Variants in USP28 observed in about 807,000 individuals in gnomAD.
The protein encoded by USP28 is ubiquitin carboxyl-terminal hydrolase 28.
A neutral mutation model predicts 145.0 loss-of-function variants in USP28; 113 were observed. The observed-to-expected ratio is 0.78, with a 90% CI of 0.67 to 0.91. The LOEUF (loss-of-function observed/expected upper bound fraction) is 0.91. USP28 is among the 40% of genes least tolerant of loss of function. The probability of loss-of-function intolerance (pLI) is 0.00; values close to 1 mark genes in which losing one functional copy is unlikely to be tolerated. For synonymous variants in USP28, 447 were observed against 450.9 expected, an observed-to-expected ratio of 0.99 and a Z score of 0.11; for missense variants, 1,201 against 1,289.6, an observed-to-expected ratio of 0.93 and a Z score of 1.05.
chr11:113,827,309 C>G, exon 11 of USP28: 1 of 1,612,610 alleles, frequency 6.2e-7, no homozygotes, highest in Non-Finnish European at 8.5e-7. Context: ...TGATTAAACT[C>G]AAATCTTGAG....
At chr11:113,862,935 T>C (rs1463605577) in intron 1 of USP28, among the ~76,000 whole-genome samples, 1 of 152,164 alleles carries the variant, frequency 6.6e-6, no homozygotes, top group Non-Finnish European at 1.5e-5. Flanking sequence ...TAAGATCATA[T>C]TCAATGGTGA....
At chr11:113,867,061 C>T (rs1363306378) in intron 1 of USP28, among the ~76,000 whole-genome samples, 3 of 152,130 alleles carry the variant, frequency 2.0e-5, no homozygotes, top group Admixed American at 1.3e-4. Flanking sequence ...TTGCATGATC[C>T]ATTTACATGA....
chr11:113,806,149 G>A (rs556082093), intron 19 of USP28, among the ~76,000 whole-genome samples: 5 of 152,118 alleles, frequency 3.3e-5, no homozygotes, highest in South Asian at 4.2e-4. Context: ...ATGTTGACCC[G>A]GCTGGTTTTG....
Position 113,874,423 on chromosome 11 carries a change from G to GAAAA in USP28, c.57+1018_57+1021dup, listed in dbSNP as rs778295743. 1.9e-3 allele frequency: 804 copies of GAAAA among 413,940 alleles called. 7 individuals are homozygous for GAAAA. The highest frequency in any genetic ancestry group is 0.011 in the Admixed American group (103 of 9,218). 25.6% of individuals were successfully genotyped at this position (413,940 alleles called of 1,614,324 possible). The stretch of plus-strand genomic sequence containing the variant: ...CTAGGCAACAGAGGGAGACTCTGTC[G>GAAAA]AAAAAAAAAAAAAAAAAAAAAAAAA... On this transcript the variant is annotated intron_variant, in intron 1 of 24. Coordinates refer to ENST00000003302, the Ensembl canonical transcript of USP28.
chr11:113,858,671 G>A (rs765318906), intron 1 of USP28, among the ~76,000 whole-genome samples: 4 of 152,118 alleles, frequency 2.6e-5, no homozygotes, highest in Non-Finnish European at 5.9e-5. Context: ...GCGCAGCGGC[G>A]CAATCTCAGC....
chr11:113,874,972 T>C, intron 1 of USP28: 4 of 959,904 alleles, frequency 4.2e-6, no homozygotes, highest in Non-Finnish European at 5.0e-6. Flanking sequence ...CTGGGACCCC[T>C]GGTCTTATAG....
At chr11:113,801,747 TA>T in intron 23 of USP28, 69 bp from the exon 25 acceptor site, 1 of 1,341,382 alleles carries the variant, frequency 7.5e-7, no homozygotes, top group Non-Finnish European at 1.0e-6. Context: ...AATAACAGTC[TA>T]AACAAGTGGT....
exon 16 of USP28, chr11:113,812,456 C>T (rs756101699): frequency 1.2e-6 from 2 of 1,614,084 alleles, no homozygotes; most frequent in South Asian, 2.2e-5. Flanking sequence ...TAGTGTCCAG[C>T]ATTTGCTTGT....
exon 6 of USP28, chr11:113,834,318 A>G: frequency 6.2e-7 from 1 of 1,609,720 alleles, no homozygotes; most frequent in Non-Finnish European, 8.5e-7. Flanking sequence ...TTCGAAATTC[A>G]GGCAATTGAA....
At chr11:113,835,680 GAC>G (rs1944485557) in intron 5 of USP28, among the ~76,000 whole-genome samples, 1 of 152,176 alleles carries the variant, frequency 6.6e-6, no homozygotes, top group Non-Finnish European at 1.5e-5. Flanking sequence ...GCTACCCTGT[GAC>G]ATTCTTGAGT....
chr11:113,850,255 T>TA (rs1236436000), intron 3 of USP28, among the ~76,000 whole-genome samples: 1 of 152,118 alleles, frequency 6.6e-6, no homozygotes, highest in Non-Finnish European at 1.5e-5. Flanking sequence ...CATCACTAGA[T>TA]ATATACACTA....
chr11:113,874,122 C>A (rs1949107458), intron 1 of USP28, among the ~76,000 whole-genome samples: 1 of 111,528 alleles, frequency 9.0e-6, no homozygotes, highest in Non-Finnish European at 1.8e-5. Flanking sequence ...GCCTGGGCGA[C>A]AAAGTGAGAC....
At chr11:113,819,857 C>CT (rs1363801461) in intron 12 of USP28, among the ~76,000 whole-genome samples, 1 of 152,140 alleles carries the variant, frequency 6.6e-6, no homozygotes, top group East Asian at 1.9e-4. Flanking sequence ...GTAGCTAGGA[C>CT]TACAGGCATG....
At chr11:113,846,461 T>G (rs1945858685) in intron 3 of USP28, among the ~76,000 whole-genome samples, 1 of 152,180 alleles carries the variant, frequency 6.6e-6, no homozygotes, top group Non-Finnish European at 1.5e-5. Context: ...GTATTTAAAG[T>G]AGTCAAATTC....
chr11:113,860,884 C>T (rs1565493984), intron 1 of USP28, among the ~76,000 whole-genome samples: 5 of 151,322 alleles, frequency 3.3e-5, no homozygotes, highest in African/African-American at 7.3e-5. Context: ...TTTGGGAGGC[C>T]GAGGCAGGCA....
At chr11:113,846,050 T>A (rs141994855) in intron 3 of USP28, among the ~76,000 whole-genome samples, 1 of 152,320 alleles carries the variant, frequency 6.6e-6, no homozygotes, top group Non-Finnish European at 1.5e-5. Context: ...TGAGGCATAC[T>A]GTAACATGAA....
At chr11:113,865,479 T>C (rs996079496) in intron 1 of USP28, among the ~76,000 whole-genome samples, 5 of 152,166 alleles carry the variant, frequency 3.3e-5, no homozygotes, top group African/African-American at 1.2e-4. Flanking sequence ...CATAACAGTG[T>C]AGTACTGGCA....
At chr11:113,847,554 A>C (rs1946007292) in intron 3 of USP28, among the ~76,000 whole-genome samples, 1 of 152,208 alleles carries the variant, frequency 6.6e-6, no homozygotes, top group Non-Finnish European at 1.5e-5. Context: ...CTTAACAAAA[A>C]CTGCCAACAC....
At chr11:113,855,853 G>A (rs958278098) in intron 1 of USP28, among the ~76,000 whole-genome samples, 23 of 152,214 alleles carry the variant, frequency 1.5e-4, no homozygotes, top group African/African-American at 5.3e-4. Context: ...GGAGGTTGCA[G>A]TGAGCCAAGA....
Sources: gnomAD v4.1 joint callset for allele counts (sites outside exome capture counted in the v4.1 genomes callset) on GRCh38, gnomAD v4.1.1 for gene constraint, MANE v1.5 for transcripts, NCBI Gene and HGNC (gene_info 2026-07-23, HGNC 2026-07-21) for gene names.